The following ATG4C variants were observed in gnomAD, a reference collection of about 807,000 sequenced individuals.
The protein encoded by ATG4C is autophagy related 4C cysteine peptidase.
A neutral mutation model predicts 57.6 loss-of-function variants in ATG4C; 56 were observed. The observed-to-expected ratio is 0.97, with a 90% CI of 0.78 to 1.21. The LOEUF (loss-of-function observed/expected upper bound fraction) is 1.21, where lower values mean the gene tolerates loss of function less well. Ranked by LOEUF, ATG4C falls within the 50% of genes most tolerant of loss-of-function variation. ATG4C has a pLI of 0.00. For missense variants in ATG4C, 595 were observed against 529.8 expected, an observed-to-expected ratio of 1.12 and a Z score of -1.21; for synonymous variants, 157 against 174.1, an observed-to-expected ratio of 0.90 and a Z score of 0.78.
intron 10 of ATG4C, among the ~76,000 whole-genome samples, chr1:62,859,930 A>G (rs150786048): frequency 3.8e-4 from 58 of 152,228 alleles, no homozygotes; most frequent in African/African-American, 1.3e-3. Flanking sequence ...TAAAGTTTTA[A>G]ATTATTTTTA....
At chr1:62,851,396 A>G (rs1014799822) in intron 10 of ATG4C, among the ~76,000 whole-genome samples, 3 of 152,230 alleles carry the variant, frequency 2.0e-5, no homozygotes, top group African/African-American at 7.2e-5. Context: ...CTCCTCAGGT[A>G]TATTCACTTT....
At chr1:62,847,242 C>A (rs1273007494) in intron 10 of ATG4C, among the ~76,000 whole-genome samples, 1 of 146,218 alleles carries the variant, frequency 6.8e-6, no homozygotes, top group Admixed American at 6.9e-5. Flanking sequence ...AAACAGAAAC[C>A]ATAAGTCGAA....
rs139926051 is a variant in ATG4C, at chr1:62,801,425, C to T, written c.-68-2294C>T. On this transcript the variant is annotated intron_variant, in intron 1 of 10. Transcript: ENST00000317868. ...ACAGGTATTTCATTGCCTTTGTTCTCAGCTGTACCTGCAGTGCCTAGAACA... is the reference window on the plus strand; with the variant it reads ...ACAGGTATTTCATTGCCTTTGTTCTTAGCTGTACCTGCAGTGCCTAGAACA... Among the ~76,000 whole-genome samples, 24 of 152,294 alleles carry T rather than the reference C, an allele frequency of 1.6e-4. No individual in the cohort carries two copies. In the East Asian group the frequency reaches 4.6e-3, roughly 29 times the overall value.
chr1:62,837,723 T>A (rs935862209), intron 9 of ATG4C, among the ~76,000 whole-genome samples: 2 of 152,206 alleles, frequency 1.3e-5, no homozygotes, highest in African/African-American at 4.8e-5. Context: ...GAGTGAATTC[T>A]TCAGTGAAAG....
chr1:62,826,152 A>T, intron 6 of ATG4C, among the ~76,000 whole-genome samples: 1 of 150,350 alleles, frequency 6.7e-6, no homozygotes, highest in East Asian at 2.0e-4. Context: ...CAAGTGATCC[A>T]CCCACCTTGG....
In ATG4C at chr1:62,816,818, A is replaced by T; in HGVS notation, c.394+10A>T. On this transcript the variant is annotated intron_variant, in intron 4 of 10. Coordinates refer to ENST00000317868, the MANE Select transcript of ATG4C (RefSeq NM_032852.4). ...CACTTTCTTGGTAGAGGTAAATCAA[A>T]TTTCTGTTTTTGTTTTGTTTTGTTT... is the stretch of plus-strand genomic sequence containing the variant. 1.3e-6 allele frequency: 2 copies of T among 1,498,644 alleles called. No individual in the cohort carries two copies. Among genetic ancestry groups the T allele is most frequent in the Non-Finnish European group, 1.8e-6 (2 of 1,118,544 alleles). The allele number at this position is 1,498,644 out of a possible 1,614,324, so 92.8% of individuals were successfully genotyped here. A position where few individuals can be genotyped will look rare whatever the true frequency, so the allele number is the denominator to read the frequency against.
intron 9 of ATG4C, among the ~76,000 whole-genome samples, chr1:62,837,248 T>C (rs1278883964): frequency 6.6e-6 from 1 of 152,216 alleles, no homozygotes; most frequent in African/African-American, 2.4e-5. Flanking sequence ...TTTAGCTATC[T>C]TCAGTGAGTT....
chr1:62,846,372 G>A (rs552649917), intron 10 of ATG4C, among the ~76,000 whole-genome samples: 1 of 152,164 alleles, frequency 6.6e-6, no homozygotes, highest in Non-Finnish European at 1.5e-5. Flanking sequence ...CTTAATGTTG[G>A]AATAGCTTAG....
intron 1 of ATG4C, among the ~76,000 whole-genome samples, chr1:62,801,958 CAAAAAAAAA>C (rs60298362): frequency 0.064 from 3,312 of 51,822 alleles, 133 homozygotes; most frequent in African/African-American, 0.2. Context: ...ACTCTGTCTC[CAAAAAAAAA>C]AAAAAAAAAA....
At chr1:62,815,900 G>T (rs1665255699) in intron 3 of ATG4C, among the ~76,000 whole-genome samples, 1 of 151,992 alleles carries the variant, frequency 6.6e-6, no homozygotes, top group Non-Finnish European at 1.5e-5. Flanking sequence ...GTCCAGGCTG[G>T]TCTTGAACTC....
rs1281062953 is a variant in ATG4C, at chr1:62,816,774, G to GCCC, written c.360_361insCCC (p.Leu120_Ala121insPro). On this transcript the variant is annotated inframe_insertion, in exon 4 of 11. Transcript: ENST00000317868. ...CATTGAGAACTGGCCAGATGCTCTT[G>GCCC]GCTCAAGGACTCATACTACACTTTC... 6.2e-7 allele frequency: 1 copy of GCCC among 1,609,012 alleles called. No individual in the cohort carries two copies. The highest frequency in any genetic ancestry group is 1.3e-5 in the African/African-American group (1 of 74,706).
chr1:62,830,783 T>G (rs1665815440), intron 7 of ATG4C, among the ~76,000 whole-genome samples: 1 of 152,154 alleles, frequency 6.6e-6, no homozygotes, highest in African/African-American at 2.4e-5. Context: ...CTTTTCTTTT[T>G]GTAGTGAAAT....
chr1:62,849,714 G>A (rs1466896948), intron 10 of ATG4C, among the ~76,000 whole-genome samples: 1 of 151,914 alleles, frequency 6.6e-6, no homozygotes, highest in African/African-American at 2.4e-5. Context: ...GTTTCACCAT[G>A]TTGGCTAGGC....
At chr1:62,855,194 T>C (rs1026616627) in intron 10 of ATG4C, among the ~76,000 whole-genome samples, 1 of 152,290 alleles carries the variant, frequency 6.6e-6, no homozygotes, top group South Asian at 2.1e-4. Context: ...CGTTCTGTAC[T>C]GTTGCTCTCC....
intron 10 of ATG4C, among the ~76,000 whole-genome samples, chr1:62,850,909 C>CAT (rs1292356152): frequency 1.6e-5 from 2 of 126,360 alleles, no homozygotes; most frequent in African/African-American, 5.7e-5. Flanking sequence ...TATACATACA[C>CAT]ATACACACAC....
Position 62,841,459 on chromosome 1 carries a change from CT to C in ATG4C, c.1125del (p.Arg376GlufsTer9), listed in dbSNP as rs868342458. On this transcript the variant is annotated frameshift_variant, in exon 10 of 11. Transcript: ENST00000317868. LOFTEE classifies it high-confidence loss of function. Reference sequence around the variant, plus strand: ...CACTGCCCTTCTCCCAAAAAGATGTCTTTTCGAAAAATGGATCCCAGCTGTA... The same window carrying C: ...CACTGCCCTTCTCCCAAAAAGATGTCTTTCGAAAAATGGATCCCAGCTGTA... ...TFHCPSPKKM[S>X]FRKMDPSCTI... 3.1e-6 allele frequency: 5 copies of C among 1,607,546 alleles called. No homozygotes were observed. The African/African-American group carries it at 5.4e-5, about 17-fold the overall frequency.
At chr1:62,835,684 G>T (rs1344042934) in intron 9 of ATG4C, among the ~76,000 whole-genome samples, 3 of 151,964 alleles carry the variant, frequency 2.0e-5, no homozygotes, top group African/African-American at 7.2e-5. Context: ...GTTAAAATCT[G>T]GTTCAGAAAG....
intron 6 of ATG4C, among the ~76,000 whole-genome samples, chr1:62,823,420 A>G (rs548300644): frequency 2.6e-4 from 40 of 152,298 alleles, no homozygotes; most frequent in Non-Finnish European, 3.8e-4. Flanking sequence ...TAGTCAGTCA[A>G]CACTTAAGAA....
intron 10 of ATG4C, among the ~76,000 whole-genome samples, chr1:62,862,571 TCTCTC>T (rs1666888563): frequency 6.6e-6 from 1 of 152,120 alleles, no homozygotes; most frequent in Non-Finnish European, 1.5e-5. Flanking sequence ...TTTTTGGTCT[TCTCTC>T]TTCTCTTTTT....
Sources: allele counts gnomAD v4.1 joint callset (sites outside exome capture counted in the v4.1 genomes callset), GRCh38; gene constraint gnomAD v4.1.1; transcripts MANE v1.5; gene names NCBI Gene and HGNC (gene_info 2026-07-23, HGNC 2026-07-21).